The following PCDH15 variants were observed in gnomAD, a reference collection of about 807,000 sequenced individuals.
PCDH15 encodes protocadherin-15.
A neutral mutation model predicts 178.5 loss-of-function variants in PCDH15; 129 were observed. The observed-to-expected ratio is 0.72, with a 90% CI of 0.63 to 0.84. The LOEUF (loss-of-function observed/expected upper bound fraction) is 0.84, where lower values mean the gene tolerates loss of function less well. Among genes scored for constraint, PCDH15 ranks in the 40% least tolerant of loss-of-function variants. The pLI is 0.00. For synonymous variants in PCDH15, 800 were observed against 732.0 expected (o/e 1.09, Z -1.50); for missense variants, 2,230 against 2,099.9 (o/e 1.06, Z -1.21).
At chr10:54,710,993 C>G (rs1186129630) in intron 1 of PCDH15, among the ~76,000 whole-genome samples, 2 of 151,960 alleles carry the variant, frequency 1.3e-5, no homozygotes, top group African/African-American at 4.8e-5. Flanking sequence ...ATATGATCAC[C>G]TGTATATAAG....
intron 2 of PCDH15, among the ~76,000 whole-genome samples, chr10:55,453,805 C>T (rs957538610): frequency 6.6e-6 from 1 of 152,200 alleles, no homozygotes; most frequent in African/African-American, 2.4e-5. Flanking sequence ...CAGGCTTCTT[C>T]TTGCATTAAA....
chr10:55,205,425 T>C (rs1486024411), intron 1 of PCDH15, among the ~76,000 whole-genome samples: 1 of 152,008 alleles, frequency 6.6e-6, no homozygotes, highest in Non-Finnish European at 1.5e-5. Context: ...TATGTATTTT[T>C]ACTGAGAATC....
intron 2 of PCDH15, among the ~76,000 whole-genome samples, chr10:55,427,266 C>T (rs1014027398): frequency 3.3e-5 from 5 of 152,098 alleles, no homozygotes; most frequent in Non-Finnish European, 7.4e-5. Context: ...AGACTCTCAA[C>T]CAAAGTAACC....
At chr10:55,584,962 T>G (rs1421242135) in intron 2 of PCDH15, among the ~76,000 whole-genome samples, 1 of 151,258 alleles carries the variant, frequency 6.6e-6, no homozygotes, top group African/African-American at 2.4e-5. Flanking sequence ...AATTTTGACA[T>G]CATTAATTTG....
At chr10:55,196,698 T>C (rs1389647362) in intron 1 of PCDH15, among the ~76,000 whole-genome samples, 1 of 152,066 alleles carries the variant, frequency 6.6e-6, no homozygotes, top group Admixed American at 6.5e-5. Context: ...TTGGCACTTC[T>C]CTAAGCCAGA....
At chr10:54,351,522 T>A (rs768362398) in intron 5 of PCDH15, among the ~76,000 whole-genome samples, 25 of 152,258 alleles carry the variant, frequency 1.6e-4, no homozygotes, top group Admixed American at 1.3e-4. Flanking sequence ...TTTATATATA[T>A]TATTTATGCA....
At chr10:55,045,503 G>T (rs1171293100) in intron 2 of PCDH15, among the ~76,000 whole-genome samples, 1 of 152,050 alleles carries the variant, frequency 6.6e-6, no homozygotes, top group Non-Finnish European at 1.5e-5. Flanking sequence ...ATCTTTGTGG[G>T]TACACAATCA....
At chr10:54,992,506 A>G (rs1346608131) in intron 2 of PCDH15, among the ~76,000 whole-genome samples, 1 of 152,092 alleles carries the variant, frequency 6.6e-6, no homozygotes, top group Non-Finnish European at 1.5e-5. Flanking sequence ...TAATCCCAGC[A>G]CTTTGGGAGG....
At chr10:54,571,801 T>G (rs1436971435) in intron 2 of PCDH15, among the ~76,000 whole-genome samples, 1 of 152,154 alleles carries the variant, frequency 6.6e-6, no homozygotes, top group East Asian at 1.9e-4. Flanking sequence ...AAAGCTTTTG[T>G]TTTTAGCTTA....
intron 2 of PCDH15, among the ~76,000 whole-genome samples, chr10:55,456,283 G>C (rs939477124): frequency 1.5e-4 from 23 of 152,050 alleles, no homozygotes; most frequent in African/African-American, 5.6e-4. Context: ...AATATTCATA[G>C]TAGTTACCTA....
At chr10:54,217,447 A>T (rs576301358) in intron 9 of PCDH15, among the ~76,000 whole-genome samples, 1 of 152,274 alleles carries the variant, frequency 6.6e-6, no homozygotes, top group East Asian at 1.9e-4. Context: ...TAGTTATAGG[A>T]GTATTTTACA....
chr10:54,023,218 A>C (rs745549922), intron 18 of PCDH15, 21 bp from the exon 19 acceptor site: 156 of 1,609,464 alleles, frequency 9.7e-5, no homozygotes, highest in Non-Finnish European at 1.3e-4. Flanking sequence ...AAACAAAAAA[A>C]CAAAAAAATT....
At chr10:54,747,224 G>C (rs532651563) in intron 1 of PCDH15, among the ~76,000 whole-genome samples, 67 of 152,242 alleles carry the variant, frequency 4.4e-4, no homozygotes, top group African/African-American at 1.4e-3. Flanking sequence ...GGAATGACGA[G>C]ATCCCTTTCA....
At chr10:55,294,541 C>T (rs1480614435) in intron 1 of PCDH15, among the ~76,000 whole-genome samples, 2 of 152,102 alleles carry the variant, frequency 1.3e-5, no homozygotes, top group African/African-American at 4.8e-5. Context: ...CTGGAAAATA[C>T]TTCACTGTTC....
intron 3 of PCDH15, among the ~76,000 whole-genome samples, chr10:54,829,916 A>T (rs1000481951): frequency 6.6e-6 from 1 of 152,124 alleles, no homozygotes; most frequent in Non-Finnish European, 1.5e-5. Context: ...TATAAATATT[A>T]TTCCGAATGT....
intron 1 of PCDH15, among the ~76,000 whole-genome samples, chr10:54,799,470 A>C (rs997893857): frequency 1.3e-5 from 2 of 152,154 alleles, no homozygotes; most frequent in Admixed American, 1.3e-4. Context: ...GAAATGTTTT[A>C]TTTAAATCTT....
At chr10:55,601,158 T>C (rs1343752122) in intron 2 of PCDH15, among the ~76,000 whole-genome samples, 2 of 152,078 alleles carry the variant, frequency 1.3e-5, no homozygotes, top group African/African-American at 4.8e-5. Context: ...TCTCCATATA[T>C]TACGAGATCA....
At chr10:54,838,672 C>A (rs1953364244) in intron 3 of PCDH15, among the ~76,000 whole-genome samples, 5 of 152,132 alleles carry the variant, frequency 3.3e-5, no homozygotes, top group Admixed American at 3.3e-4. Flanking sequence ...AACCCAGATA[C>A]AAACCTACGC....
chr10:54,249,069 T>G (rs2056249233), intron 8 of PCDH15, among the ~76,000 whole-genome samples: 1 of 152,040 alleles, frequency 6.6e-6, no homozygotes, highest in Non-Finnish European at 1.5e-5. Flanking sequence ...GCAAAAATAT[T>G]TATAACCCTA....
Sources: gnomAD v4.1 joint callset for allele counts (sites outside exome capture counted in the v4.1 genomes callset) on GRCh38, gnomAD v4.1.1 for gene constraint, MANE v1.5 for transcripts, NCBI Gene and HGNC (gene_info 2026-07-23, HGNC 2026-07-21) for gene names.